JAKMIP1: variants seen among roughly 807,000 people sequenced by gnomAD.
JAKMIP1 encodes the protein janus kinase and microtubule interacting protein 1.
In JAKMIP1, 33 loss-of-function variants were observed where a neutral mutation model predicts 113.0. The ratio of observed to expected loss-of-function variants is 0.29; its 90% CI spans 0.22 to 0.39. JAKMIP1 has a LOEUF of 0.39. Ranked by LOEUF, JAKMIP1 falls within the 10% of genes least tolerant of loss-of-function variation. The pLI is 1.00. For missense variants in JAKMIP1, 813 were observed against 1,080.5 expected (o/e 0.75, Z 3.47); for synonymous variants, 480 against 459.9 (o/e 1.04, Z -0.56).
chr4:6,153,460 C>T lies in JAKMIP1; in HGVS notation c.-147-40463G>A, dbSNP rs28695861. Among the ~76,000 whole-genome samples, 4,858 of 152,324 alleles carry T rather than the reference C, an allele frequency of 0.032. 90 individuals are homozygous for T. Among genetic ancestry groups the T allele is most frequent in the Admixed American group, 0.058 (890 of 15,304 alleles). ...TTTGAAAAATGAGCACTGGAGCCAA[C>T]GGTGTTTCCCAAACCTCAGTCATCA... On this transcript the variant is annotated intron_variant, in intron 1 of 20. Transcript: ENST00000409021. The surrounding 1 kb of genome is among the most constrained non-coding windows in gnomAD (Gnocchi z 4.9).
rs147841173 is a variant in JAKMIP1 at position 6,099,053 on chromosome 4, T to C, written c.624+6420A>G. Among the ~76,000 whole-genome samples the C allele has an allele frequency of 4.4e-3, 669 of 152,382 alleles. 5 individuals are homozygous for C. The highest frequency in any genetic ancestry group is 7.6e-3 in the Non-Finnish European group (517 of 68,034). On this transcript the variant is annotated intron_variant, in intron 3 of 20. Transcript: ENST00000409021. ...GCTGTGTAATATCCCATTGACTAAA[T>C]ACACCTTTATCCATCCTATTGCTAC...
intron 5 of JAKMIP1, among the ~76,000 whole-genome samples, chr4:6,084,424 T>C (rs1720995590): frequency 6.6e-6 from 1 of 152,230 alleles, no homozygotes; most frequent in African/African-American, 2.4e-5. Flanking sequence ...CACGTTTCCA[T>C]TTCAATTAAA....
intron 1 of JAKMIP1, among the ~76,000 whole-genome samples, chr4:6,146,449 C>T (rs1337944097): frequency 6.6e-6 from 1 of 152,030 alleles, no homozygotes; most frequent in African/African-American, 2.4e-5. Flanking sequence ...CATGTGTCAA[C>T]ACTCCCAGCT....
At chr4:6,092,849 G>C (rs1227876958) in intron 3 of JAKMIP1, among the ~76,000 whole-genome samples, 1 of 152,186 alleles carries the variant, frequency 6.6e-6, no homozygotes, top group Non-Finnish European at 1.5e-5. Flanking sequence ...TTCATCTACT[G>C]TGTGGTGGGC....
intron 1 of JAKMIP1, among the ~76,000 whole-genome samples, chr4:6,165,808 A>G (rs1372679621): frequency 6.6e-6 from 1 of 152,186 alleles, no homozygotes; most frequent in African/African-American, 2.4e-5. Context: ...CTGTACCACA[A>G]ACTTGGTGGC....
At position 6,141,664 on chromosome 4, in the gene JAKMIP1, C is replaced by T. The variant is rs554448305; in HGVS notation, c.-147-28667G>A. Among the ~76,000 whole-genome samples the T allele has an allele frequency of 3.9e-5, 6 of 152,246 alleles. No individual in the cohort carries two copies. The highest frequency in any genetic ancestry group is 7.2e-5 in the African/African-American group (3 of 41,542). On this transcript the variant is annotated intron_variant, in intron 1 of 20. Transcript: ENST00000409021. The surrounding 1 kb of genome is among the most constrained non-coding windows in gnomAD (Gnocchi z 9.4). ...CACATGATTCTCCATCTTAACTTGC[C>T]GGTAGCTGGCCCAGCCCTGGTCCAC...
chr4:6,196,664 G>T (rs974487171), intron 1 of JAKMIP1, among the ~76,000 whole-genome samples: 18 of 152,176 alleles, frequency 1.2e-4, no homozygotes, highest in East Asian at 3.9e-4. Flanking sequence ...TTTGAGACCA[G>T]CCTGGTTAAC....
Position 6,079,303 on chromosome 4 carries a change from G to A in JAKMIP1, c.1243-305C>T, listed in dbSNP as rs184428015. ...GTATGCATAGATAAGTGGATGGAAG[G>A]ATGAAAGAATGGGTGAGTGGATGGA... On this transcript the variant is annotated intron_variant, in intron 7 of 20. Coordinates refer to ENST00000409021, the MANE Select transcript of JAKMIP1 (RefSeq NM_001099433.2). Among the ~76,000 whole-genome samples the A allele has an allele frequency of 4.3e-3, 657 of 152,322 alleles. 6 individuals are homozygous for A. The highest frequency in any genetic ancestry group is 0.015 in the African/African-American group (628 of 41,558).
At position 6,069,640 on chromosome 4, in the gene JAKMIP1, C is replaced by A. The variant is rs562411399; in HGVS notation, c.1303-4632G>T. On this transcript the variant is annotated intron_variant, in intron 8 of 20. Coordinates refer to ENST00000409021, the MANE Select transcript of JAKMIP1 (RefSeq NM_001099433.2). This position sits in a 1 kb window ranked among gnomAD's most constrained non-coding sequence, Gnocchi z 4.5. ...TGGTGGCTGACGCCTGTAGTCCCAG[C>A]TACTTGGGAGGCTGAGGTGGAAAGA... Among the ~76,000 whole-genome samples, 18 of 151,928 alleles carry A rather than the reference C, an allele frequency of 1.2e-4. No individual in the cohort carries two copies. The South Asian group carries it at 3.5e-3, about 30-fold the overall frequency.
chr4:6,111,350 C>T (rs1328492043), intron 2 of JAKMIP1, among the ~76,000 whole-genome samples: 17 of 152,210 alleles, frequency 1.1e-4, no homozygotes, highest in Non-Finnish European at 1.5e-5. Flanking sequence ...GCCTGCATCT[C>T]CATGCTCTTT....
At chr4:6,111,504 T>C (rs1714927432) in intron 2 of JAKMIP1, among the ~76,000 whole-genome samples, 1 of 152,218 alleles carries the variant, frequency 6.6e-6, no homozygotes. Flanking sequence ...GGGCTTTTTA[T>C]TGCATCCATT....
chr4:6,112,674 A>G, intron 2 of JAKMIP1, 48 bp downstream of exon 2: 1 of 1,598,586 alleles, frequency 6.3e-7, no homozygotes, highest in Non-Finnish European at 8.5e-7. Flanking sequence ...ACACTGCCCA[A>G]AGGGACATTT....
rs1002771899 is a variant in JAKMIP1, at chr4:6,180,167, A to G, written c.-148+20086T>C. Among the ~76,000 whole-genome samples, 7 of 152,198 alleles carry G rather than the reference A, an allele frequency of 4.6e-5. No homozygotes were observed. The highest frequency in any genetic ancestry group is 3.2e-3 in the Middle Eastern group (1 of 316). ...CAGCAGTTTTGAAATACCCCAGTTC[A>G]TGAAATGCTTCCAATATCAGAAAAC... On this transcript the variant is annotated intron_variant, in intron 1 of 20. Coordinates refer to ENST00000409021, the MANE Select transcript of JAKMIP1 (RefSeq NM_001099433.2). This position sits in a 1 kb window ranked among gnomAD's most constrained non-coding sequence, Gnocchi z 4.5.
Position 6,156,015 on chromosome 4 carries a change from A to G in JAKMIP1, c.-147-43018T>C, listed in dbSNP as rs79707503. Among the ~76,000 whole-genome samples, 6,536 of 152,326 alleles carry G rather than the reference A, an allele frequency of 0.043. 180 individuals carry two copies. Among genetic ancestry groups the G allele is most frequent in the South Asian group, 0.078 (375 of 4,826 alleles). ...GTCCGTGGTGGGTTCCTCAGTGCGT[A>G]GAACAGTGCCCAGCACAATAATGGA... On this transcript the variant is annotated intron_variant, in intron 1 of 20. Coordinates refer to ENST00000409021, the MANE Select transcript of JAKMIP1 (RefSeq NM_001099433.2). The surrounding 1 kb of genome is among the most constrained non-coding windows in gnomAD (Gnocchi z 5.0).
In JAKMIP1 at chr4:6,098,634, AGAAAAGAAAGAAAG is replaced by A. The variant is rs1373691281; in HGVS notation, c.624+6825_624+6838del. Among the ~76,000 whole-genome samples the A allele has an allele frequency of 7.8e-4, 115 of 148,382 alleles. 1 individual carries two copies. The highest frequency in any genetic ancestry group is 2.7e-3 in the African/African-American group (106 of 38,700). On this transcript the variant is annotated intron_variant, in intron 3 of 20. Transcript: ENST00000409021. ...AAGAAAGAAAAAGAAAAAGAAAGAA[AGAAAAGAAAGAAAG>A]GAAAGGAAAGGAAGAAAGAGAGAGA...
chr4:6,125,768 T>C lies in JAKMIP1; in HGVS notation c.-147-12771A>G, dbSNP rs865988455. ...CATACAGAAACACACACGCACACCA[T>C]ACACACCATGCAGAAACACACACAC... On this transcript the variant is annotated intron_variant, in intron 1 of 20. Coordinates refer to ENST00000409021, the MANE Select transcript of JAKMIP1 (RefSeq NM_001099433.2). Among the ~76,000 whole-genome samples the C allele has an allele frequency of 7.5e-3, 676 of 90,062 alleles. 12 individuals are homozygous for C. The highest frequency in any genetic ancestry group is 0.028 in the African/African-American group (638 of 23,186). 59.1% of individuals were successfully genotyped at this position (90,062 alleles called of 152,430 possible).
At position 6,088,997 on chromosome 4, in the gene JAKMIP1, G is replaced by T. The variant is rs1721673836; in HGVS notation, c.625-3368C>A. Among the ~76,000 whole-genome samples, 2 of 152,186 alleles carry T rather than the reference G, an allele frequency of 1.3e-5. No individual in the cohort carries two copies. The highest frequency in any genetic ancestry group is 4.1e-4 in the South Asian group (2 of 4,834). Reference sequence around the variant, plus strand: ...CCTGTCCCAACAGTAATTGCTTCAGGGATGGATGCACAATCCAATCAGAAC... The same window carrying T: ...CCTGTCCCAACAGTAATTGCTTCAGTGATGGATGCACAATCCAATCAGAAC... On this transcript the variant is annotated intron_variant, in intron 3 of 20. Transcript: ENST00000409021. This position sits in a 1 kb window ranked among gnomAD's most constrained non-coding sequence, Gnocchi z 5.5.
intron 19 of JAKMIP1, 25 bp downstream of exon 19, chr4:6,035,879 G>C: frequency 2.0e-6 from 3 of 1,534,764 alleles, no homozygotes; most frequent in Non-Finnish European, 2.6e-6. Context: ...GGGGTGCTGT[G>C]GGCACAGCCG....
chr4:6,153,832 A>G lies in JAKMIP1; in HGVS notation c.-147-40835T>C. 6.6e-6 allele frequency among the ~76,000 whole-genome samples: 1 copy of G among 152,248 alleles called. No individual in the cohort carries two copies. Among genetic ancestry groups the G allele is most frequent in the East Asian group, 1.9e-4 (1 of 5,204 alleles). On this transcript the variant is annotated intron_variant, in intron 1 of 20. Transcript: ENST00000409021. This position sits in a 1 kb window ranked among gnomAD's most constrained non-coding sequence, Gnocchi z 4.9. ...TAATGCACACTAAAGTATTATTAAA[A>G]TAAATTATGTTTGGCTACTGTCACC...
Sources: gnomAD v4.1 joint callset for allele counts (sites outside exome capture counted in the v4.1 genomes callset) on GRCh38, gnomAD v4.1.1 for gene constraint, Gnocchi (gnomAD v3.1) non-coding constraint, MANE v1.5 for transcripts, NCBI Gene and HGNC (gene_info 2026-07-23, HGNC 2026-07-21) for gene names.